The following CDC123 variants were observed in gnomAD, a reference collection of about 807,000 sequenced individuals.
CDC123 encodes cell division cycle 123, also known as translation initiation factor eIF2 assembly protein.
CDC123 carries 37 observed loss-of-function variants against 54.4 expected under a neutral mutation model. The ratio of observed to expected loss-of-function variants is 0.68; its 90% CI spans 0.52 to 0.89. The LOEUF is 0.89. Ranked by LOEUF, CDC123 falls within the 40% of genes least tolerant of loss-of-function variation. CDC123 has a pLI of 0.00. For missense variants in CDC123, 361 were observed against 412.1 expected, an observed-to-expected ratio of 0.88 and a Z score of 1.07; for synonymous variants, 144 against 136.8, an observed-to-expected ratio of 1.05 and a Z score of -0.37.
chr10:12,249,518 G>A lies in CDC123; in HGVS notation c.847-63G>A. 2.0e-6 allele frequency: 3 copies of A among 1,519,958 alleles called. No individual in the cohort carries two copies. In the Admixed American group the frequency reaches 6.1e-5, roughly 31 times the overall value. The allele number at this position is 1,519,958 out of a possible 1,614,324, so 94.2% of individuals were successfully genotyped here. A position where few individuals can be genotyped will look rare whatever the true frequency, so the allele number is the denominator to read the frequency against. ...AATTGTTTTGCTAGGTTCTTTTTTA[G>A]TTCACAGAATAGGCCTAAAAATAAA... On this transcript the variant is annotated intron_variant, in intron 11 of 12. Coordinates refer to ENST00000281141, the MANE Select transcript of CDC123 (RefSeq NM_006023.3).
chr10:12,197,745 T>A (rs1835383478), intron 1 of CDC123, among the ~76,000 whole-genome samples: 1 of 151,872 alleles, frequency 6.6e-6, no homozygotes, highest in Admixed American at 6.6e-5. Flanking sequence ...AACCGAAGTT[T>A]TTGCTCTGTC....
At chr10:12,240,591 T>C (rs1002630809) in intron 10 of CDC123, among the ~76,000 whole-genome samples, 3 of 152,258 alleles carry the variant, frequency 2.0e-5, no homozygotes, top group African/African-American at 4.8e-5. Flanking sequence ...AGAGGGGCTT[T>C]AGGCCATTGT....
intron 6 of CDC123, among the ~76,000 whole-genome samples, chr10:12,222,012 G>C (rs899561138): frequency 2.6e-5 from 4 of 152,188 alleles, no homozygotes; most frequent in Non-Finnish European, 5.9e-5. Context: ...AGCAGGCCTG[G>C]AGGGGGCCTA....
chr10:12,236,502 G>C (rs1342169359), intron 8 of CDC123, among the ~76,000 whole-genome samples: 1 of 152,050 alleles, frequency 6.6e-6, no homozygotes, highest in African/African-American at 2.4e-5. Flanking sequence ...GGGAGACTGA[G>C]GTGGGAGGGT....
rs1835547167 is a variant in CDC123 at position 12,208,233 on chromosome 10, A to T, written c.147-1734A>T. ...GTTTTTATGATTATTTTTCTCAATG[A>T]TATGAGTTATTCCTAGGCTAGTTAT... On this transcript the variant is annotated intron_variant, in intron 2 of 12. Transcript: ENST00000281141. 2.0e-5 allele frequency among the ~76,000 whole-genome samples: 3 copies of T among 152,120 alleles called. No homozygotes were observed. In the South Asian group the frequency reaches 6.2e-4, roughly 31 times the overall value.
intron 2 of CDC123, among the ~76,000 whole-genome samples, chr10:12,209,510 C>T (rs773297138): frequency 1.1e-4 from 17 of 152,212 alleles, no homozygotes; most frequent in Non-Finnish European, 2.2e-4. Flanking sequence ...GCTGAAATTA[C>T]AGGTGTGAGC....
chr10:12,228,414 T>C (rs1412667146), intron 6 of CDC123, among the ~76,000 whole-genome samples: 1 of 151,876 alleles, frequency 6.6e-6, no homozygotes, highest in African/African-American at 2.4e-5. Context: ...TTTTAGTTTT[T>C]TTTTTTTTTG....
intron 5 of CDC123, 132 bp downstream of exon 5, chr10:12,215,967 T>A: frequency 1.8e-6 from 1 of 559,430 alleles, no homozygotes; most frequent in Non-Finnish European, 3.0e-6. Flanking sequence ...TTATTATTAA[T>A]TTCCCTCTAC....
intron 10 of CDC123, chr10:12,245,095 C>G (rs1836113252): frequency 1.3e-5 from 2 of 152,430 alleles, no homozygotes; most frequent in South Asian, 2.1e-4. Flanking sequence ...TGGCAGCAGC[C>G]TTTCCCGAGT....
intron 1 of CDC123, among the ~76,000 whole-genome samples, chr10:12,197,051 A>G (rs757366102): frequency 1.2e-4 from 18 of 152,238 alleles, no homozygotes; most frequent in Non-Finnish European, 2.1e-4. Flanking sequence ...TCGGATATGT[A>G]CTTGAAAATG....
intron 1 of CDC123, among the ~76,000 whole-genome samples, chr10:12,198,008 A>G (rs1391958300): frequency 6.6e-6 from 1 of 152,158 alleles, no homozygotes; most frequent in Non-Finnish European, 1.5e-5. Flanking sequence ...TCAAAATAAT[A>G]CCAGCACTCT....
At chr10:12,220,690 A>T (rs1325811304) in intron 6 of CDC123, among the ~76,000 whole-genome samples, 2 of 152,226 alleles carry the variant, frequency 1.3e-5, no homozygotes, top group African/African-American at 4.8e-5. Flanking sequence ...CTCTTAAAAG[A>T]TTAAATGCTG....
chr10:12,240,986 A>G (rs961344298), intron 10 of CDC123, among the ~76,000 whole-genome samples: 3 of 152,126 alleles, frequency 2.0e-5, no homozygotes, highest in Non-Finnish European at 4.4e-5. Context: ...ATGTATTTTA[A>G]TGTTGCAGTT....
chr10:12,229,263 C>T (rs1182392582), intron 6 of CDC123, among the ~76,000 whole-genome samples: 6 of 152,198 alleles, frequency 3.9e-5, no homozygotes, highest in African/African-American at 7.2e-5. Context: ...ATATTCTTAA[C>T]GCCTAAATGG....
At chr10:12,238,830 G>C (rs1238246835) in intron 10 of CDC123, among the ~76,000 whole-genome samples, 2 of 151,896 alleles carry the variant, frequency 1.3e-5, no homozygotes, top group Admixed American at 6.6e-5. Flanking sequence ...GATCAGCCTC[G>C]GCAACATGGT....
Position 12,210,416 on chromosome 10 carries a change from A to G in CDC123, c.237+94A>G, listed in dbSNP as rs1293537302. 1.3e-5 allele frequency: 18 copies of G among 1,432,628 alleles called. No homozygotes were observed. In the Middle Eastern group the frequency reaches 1.1e-3, roughly 86 times the overall value. The allele number at this position is 1,432,628 out of a possible 1,614,324, so 88.7% of individuals were successfully genotyped here. On this transcript the variant is annotated intron_variant, in intron 4 of 12. Coordinates refer to ENST00000281141, the MANE Select transcript of CDC123 (RefSeq NM_006023.3). ...AAGTGCATACCTCTCTTAAATTCCT[A>G]GTCAGTCACCATCTCATATATTATT...
In CDC123 at chr10:12,198,708, C is replaced by A; in HGVS notation, c.78C>A (p.Val26=). 1 of 1,556,724 alleles carries A rather than the reference C, an allele frequency of 6.4e-7. No individual in the cohort carries two copies. Among genetic ancestry groups the A allele is most frequent in the South Asian group, 1.2e-5 (1 of 85,352 alleles). The part of the protein sequence containing the change: ...PFFRGVTIKS[V]ILPLPQNVKD... ...TTTTTTGGTGTTTTTTTTTTAGTGT[C>A]ATTCTTCCACTTCCTCAGAATGTGA... Residue 26 remains valine (V), a synonymous_variant, in exon 2 of 13, where the codon GTC becomes GTA. Coordinates refer to ENST00000281141, the MANE Select transcript of CDC123 (RefSeq NM_006023.3).
In CDC123 at chr10:12,237,236, CACAT is replaced by C; in HGVS notation, c.662_665del (p.Ile221SerfsTer5). ...ATGCATACAAGACTTTTTCAAGAAA[CACAT>C]ACAGTACAAATTCTTAGATGAAGAC... On this transcript the variant is annotated frameshift_variant, in exon 9 of 13. Transcript: ENST00000281141. LOFTEE classifies it high-confidence loss of function. 6.3e-7 allele frequency: 1 copy of C among 1,581,034 alleles called. No homozygotes were observed. Among genetic ancestry groups the C allele is most frequent in the Non-Finnish European group, 8.6e-7 (1 of 1,169,458 alleles).
At chr10:12,208,656 G>C (rs1394179928) in intron 2 of CDC123, among the ~76,000 whole-genome samples, 1 of 152,142 alleles carries the variant, frequency 6.6e-6, no homozygotes, top group Non-Finnish European at 1.5e-5. Flanking sequence ...GCATTTTTCT[G>C]TCAATTGAGG....
Sources: gnomAD v4.1 joint callset for allele counts (sites outside exome capture counted in the v4.1 genomes callset) on GRCh38, gnomAD v4.1.1 for gene constraint, MANE v1.5 for transcripts, NCBI Gene and HGNC (gene_info 2026-07-23, HGNC 2026-07-21) for gene names.